The following PIGL variants were observed in gnomAD, a reference collection of about 807,000 sequenced individuals.
PIGL encodes N-acetylglucosaminyl-phosphatidylinositol de-N-acetylase.
In PIGL, 22 loss-of-function variants were observed where a neutral mutation model predicts 31.1. That is an observed-to-expected ratio of 0.71 (90% confidence interval 0.51 to 1.01). The LOEUF (loss-of-function observed/expected upper bound fraction) is 1.01, where lower values mean the gene tolerates loss of function less well. Among genes scored for constraint, PIGL ranks in the 50% least tolerant of loss-of-function variants. The pLI, the probability that PIGL is intolerant of heterozygous loss-of-function variation, is 0.00. For synonymous variants in PIGL, 131 were observed against 117.4 expected, an observed-to-expected ratio of 1.12 and a Z score of -0.75; for missense variants, 302 against 315.9, an observed-to-expected ratio of 0.96 and a Z score of 0.33.
intron 2 of PIGL, among the ~76,000 whole-genome samples, chr17:16,243,009 A>ATGTT (rs2092729606): frequency 6.6e-6 from 1 of 152,162 alleles, no homozygotes; most frequent in African/African-American, 2.4e-5. Flanking sequence ...GATTGACAAC[A>ATGTT]TATCCAGTGT....
intron 4 of PIGL, among the ~76,000 whole-genome samples, chr17:16,314,269 T>G (rs1287682152): frequency 6.6e-6 from 1 of 152,210 alleles, no homozygotes; most frequent in Non-Finnish European, 1.5e-5. Flanking sequence ...GTGGCAGGCC[T>G]GTCCCAGCTA....
In PIGL at chr17:16,313,626, CG is replaced by C; in HGVS notation, c.494+15del. 1.9e-6 allele frequency: 3 copies of C among 1,600,350 alleles called. No individual in the cohort carries two copies. The highest frequency in any genetic ancestry group is 2.6e-6 in the Non-Finnish European group (3 of 1,167,544). On this transcript the variant is annotated intron_variant, in intron 4 of 6. Coordinates refer to ENST00000225609, the MANE Select transcript of PIGL (RefSeq NM_004278.4). ...TATGCAGCTGTGAGGTATGATTCTC[CG>C]GGTGATGGATGTGGGGGAGGGTTTG...
At chr17:16,247,510 C>A (rs557212868) in intron 2 of PIGL, among the ~76,000 whole-genome samples, 1 of 152,272 alleles carries the variant, frequency 6.6e-6, no homozygotes, top group East Asian at 1.9e-4. Context: ...GTGACAGGCC[C>A]CAGGCAAGGC....
chr17:16,295,908 T>G (rs2092980076), intron 2 of PIGL, among the ~76,000 whole-genome samples: 1 of 151,970 alleles, frequency 6.6e-6, no homozygotes, highest in African/African-American at 2.4e-5. Context: ...GCCATTGCAT[T>G]CCAGCCTAGG....
At chr17:16,256,201 C>T (rs2092792940) in intron 2 of PIGL, among the ~76,000 whole-genome samples, 1 of 152,180 alleles carries the variant, frequency 6.6e-6, no homozygotes, top group African/African-American at 2.4e-5. Context: ...AAACTGGTAG[C>T]AACTGAAACA....
chr17:16,228,681 C>G (rs1234213425), intron 1 of PIGL, among the ~76,000 whole-genome samples: 1 of 152,260 alleles, frequency 6.6e-6, no homozygotes, highest in African/African-American at 2.4e-5. Context: ...AGCCACCACG[C>G]CCGGCGATTT....
intron 2 of PIGL, among the ~76,000 whole-genome samples, chr17:16,260,318 A>G (rs746672434): frequency 1.1e-4 from 17 of 152,214 alleles, no homozygotes; most frequent in Non-Finnish European, 2.1e-4. Flanking sequence ...TGCCAGTTCC[A>G]TGGACTGGAG....
chr17:16,325,147 T>C (rs952176770), intron 6 of PIGL, among the ~76,000 whole-genome samples: 10 of 151,886 alleles, frequency 6.6e-5, no homozygotes, highest in East Asian at 5.8e-4. Context: ...AGATCGAGAC[T>C]ATCCTGGCTA....
intron 2 of PIGL, among the ~76,000 whole-genome samples, chr17:16,287,157 C>T (rs1600825384): frequency 6.6e-6 from 1 of 152,212 alleles, no homozygotes; most frequent in African/African-American, 2.4e-5. Flanking sequence ...ACCGAGAAGC[C>T]GCAGGCTGGT....
intron 6 of PIGL, among the ~76,000 whole-genome samples, chr17:16,319,521 G>A (rs1366869083): frequency 2.0e-5 from 3 of 152,138 alleles, no homozygotes; most frequent in South Asian, 4.1e-4. Context: ...TTGGGAGGCC[G>A]AGACAGGCAG....
At chr17:16,272,177 G>T (rs2092875941) in intron 2 of PIGL, among the ~76,000 whole-genome samples, 1 of 152,162 alleles carries the variant, frequency 6.6e-6, no homozygotes, top group African/African-American at 2.4e-5. Flanking sequence ...GAAACAAGTT[G>T]TGAATATCAA....
chr17:16,317,399 G>A, intron 5 of PIGL: 2 of 987,586 alleles, frequency 2.0e-6, no homozygotes, highest in Non-Finnish European at 2.4e-6. Flanking sequence ...GTGGTTAAGG[G>A]ACTTTGCCAA....
At chr17:16,234,377 T>C (rs928761172) in intron 2 of PIGL, among the ~76,000 whole-genome samples, 1 of 150,518 alleles carries the variant, frequency 6.6e-6, no homozygotes, top group Non-Finnish European at 1.5e-5. Flanking sequence ...AACCCAGGAG[T>C]TGGAGGTTGC....
intron 2 of PIGL, among the ~76,000 whole-genome samples, chr17:16,261,110 C>G (rs1292865732): frequency 7.8e-6 from 1 of 128,066 alleles, no homozygotes; most frequent in Non-Finnish European, 1.6e-5. Flanking sequence ...CAGAGTGGGA[C>G]TCTATCTCAA....
Position 16,326,053 on chromosome 17 carries a change from C to A in PIGL, c.*155C>A. Reference sequence around the variant, plus strand: ...GGAGCCCATGTAGGCCAGGGGCTGTCCAAACTCCAGCTTCTTCCCCTGGGA... The same window carrying A: ...GGAGCCCATGTAGGCCAGGGGCTGTACAAACTCCAGCTTCTTCCCCTGGGA... On this transcript the variant is annotated 3_prime_UTR_variant, in exon 7 of 7. Coordinates refer to ENST00000225609, the MANE Select transcript of PIGL (RefSeq NM_004278.4). 1.7e-6 allele frequency: 1 copy of A among 584,012 alleles called. No individual in the cohort carries two copies. The highest frequency in any genetic ancestry group is 3.0e-6 in the Non-Finnish European group (1 of 332,066). The allele number at this position is 584,012 out of a possible 1,614,324, so 36.2% of individuals were successfully genotyped here.
chr17:16,276,272 G>C (rs2092894939), intron 2 of PIGL, among the ~76,000 whole-genome samples: 1 of 152,112 alleles, frequency 6.6e-6, no homozygotes, highest in African/African-American at 2.4e-5. Flanking sequence ...GTTGATATGG[G>C]GTCACTAGCT....
chr17:16,302,632 G>T (rs982040813), intron 3 of PIGL, among the ~76,000 whole-genome samples: 10 of 151,616 alleles, frequency 6.6e-5, no homozygotes, highest in Non-Finnish European at 1.3e-4. Context: ...ACAGAGTCTC[G>T]CTCTGTCACC....
intron 3 of PIGL, among the ~76,000 whole-genome samples, chr17:16,310,203 T>A (rs2093043174): frequency 6.6e-6 from 1 of 152,136 alleles, no homozygotes; most frequent in Admixed American, 6.6e-5. Flanking sequence ...TTCTGTTGAC[T>A]TTGTCAACAT....
Position 16,229,337 on chromosome 17 carries a change from C to CATATATATATGTATGT in PIGL, c.236-4626_236-4611dup, listed in dbSNP as rs1555848497. Among the ~76,000 whole-genome samples, 923 of 151,420 alleles carry CATATATATATGTATGT rather than the reference C, an allele frequency of 6.1e-3. 12 individuals carry two copies. The highest frequency in any genetic ancestry group is 0.021 in the African/African-American group (880 of 41,234). ...ATATTCCATTGTGTATATATACATA[C>CATATATATATGTATGT]ATATATATATGTATGTATATATACC... On this transcript the variant is annotated intron_variant, in intron 1 of 6. Transcript: ENST00000225609.
Sources: allele counts gnomAD v4.1 joint callset (sites outside exome capture counted in the v4.1 genomes callset), GRCh38; gene constraint gnomAD v4.1.1; transcripts MANE v1.5; gene names NCBI Gene and HGNC (gene_info 2026-07-23, HGNC 2026-07-21).